Variants in MVB12B observed in about 807,000 individuals in gnomAD.
MVB12B encodes ESCRT-I complex subunit MVB12B.
Under a neutral mutation model 41.6 loss-of-function variants are expected in MVB12B, and 16 were observed. The observed-to-expected ratio is 0.38, with a 90% confidence interval of 0.26 to 0.58. The LOEUF is 0.58. Ranked by LOEUF, MVB12B falls within the 20% of genes least tolerant of loss-of-function variation. MVB12B has a pLI of 0.62. For missense variants in MVB12B, 274 were observed against 380.2 expected (o/e 0.72, Z 2.32); for synonymous variants, 133 against 139.7 (o/e 0.95, Z 0.34).
At chr9:126,496,297 A>C (rs879547979) in intron 9 of MVB12B, among the ~76,000 whole-genome samples, 12 of 123,014 alleles carry the variant, frequency 9.8e-5, no homozygotes, top group African/African-American at 1.6e-4. Context: ...ACCCATCCAT[A>C]CACCTACCCA....
chr9:126,336,517 A>G (rs1213840442), intron 1 of MVB12B, among the ~76,000 whole-genome samples: 12 of 152,176 alleles, frequency 7.9e-5, no homozygotes, highest in Non-Finnish European at 7.3e-5. Context: ...CGGGATGACA[A>G]CCTTGGCTAG....
intron 9 of MVB12B, among the ~76,000 whole-genome samples, chr9:126,490,807 T>A (rs745384826): frequency 1.4e-4 from 21 of 152,254 alleles, no homozygotes; most frequent in Admixed American, 3.9e-4. Context: ...TTTAATTTTA[T>A]ACCTAAATAT....
At chr9:126,387,559 C>T (rs919375488) in intron 4 of MVB12B, among the ~76,000 whole-genome samples, 7 of 152,164 alleles carry the variant, frequency 4.6e-5, no homozygotes, top group Admixed American at 3.3e-4. Context: ...TACGCAGATC[C>T]CCTGCTGTTA....
chr9:126,376,972 C>T lies in MVB12B; in HGVS notation c.205-4092C>T, dbSNP rs1282316218. Among the ~76,000 whole-genome samples, 1 of 151,216 alleles carries T rather than the reference C, an allele frequency of 6.6e-6. No individual in the cohort carries two copies. The highest frequency in any genetic ancestry group is 2.4e-5 in the African/African-American group (1 of 41,042). Reference sequence around the variant, plus strand: ...ATCCTGGGGCTCTGCTCAGTATCGGCTGCCACGGGCCCCTTAGGTCACAAC... The same window carrying T: ...ATCCTGGGGCTCTGCTCAGTATCGGTTGCCACGGGCCCCTTAGGTCACAAC... On this transcript the variant is annotated intron_variant, in intron 2 of 9. Coordinates refer to ENST00000361171, the MANE Select transcript of MVB12B (RefSeq NM_033446.3). This position sits in a 1 kb window ranked among gnomAD's most constrained non-coding sequence, Gnocchi z 4.1.
rs550246254 is a variant in MVB12B at position 126,460,052 on chromosome 9, G to T, written c.758-21317G>T. Among the ~76,000 whole-genome samples the T allele has an allele frequency of 2.0e-5, 3 of 152,324 alleles. No homozygotes were observed. In the South Asian group the frequency reaches 6.2e-4, roughly 32 times the overall value. ...CTATAACTCAGTCTTAGTGGCTCTA[G>T]AGGATGTCTGCCTATCTTCTTGAGG... On this transcript the variant is annotated intron_variant, in intron 7 of 9. Transcript: ENST00000361171.
intron 9 of MVB12B, 139 bp downstream of exon 9, chr9:126,484,171 T>C (rs570588390): frequency 2.2e-5 from 16 of 713,794 alleles, no homozygotes; most frequent in East Asian, 1.1e-4. Context: ...AAAAACACTT[T>C]CGTTGCACCC....
intron 2 of MVB12B, among the ~76,000 whole-genome samples, chr9:126,354,894 A>G (rs923116230): frequency 2.0e-5 from 3 of 152,198 alleles, no homozygotes; most frequent in Non-Finnish European, 4.4e-5. Context: ...GATAATAGAA[A>G]TATCATCGAT....
At chr9:126,417,280 G>A (rs1416954603) in intron 6 of MVB12B, among the ~76,000 whole-genome samples, 1 of 152,246 alleles carries the variant, frequency 6.6e-6, no homozygotes, top group Non-Finnish European at 1.5e-5. Flanking sequence ...CTACTGAGCA[G>A]TTATTCTGCA....
intron 2 of MVB12B, among the ~76,000 whole-genome samples, chr9:126,374,918 C>T (rs1031747031): frequency 6.6e-6 from 1 of 152,144 alleles, no homozygotes; most frequent in African/African-American, 2.4e-5. Context: ...GTGATGCCTG[C>T]GTGCACAGTT....
In MVB12B at chr9:126,468,735, G is replaced by A. The variant is rs1833252425; in HGVS notation, c.758-12634G>A. Among the ~76,000 whole-genome samples the A allele has an allele frequency of 6.6e-6, 1 of 152,202 alleles. No individual in the cohort carries two copies. ...TCCTCTCCATAGCCAGGGAGACGCT[G>A]TTAAAACCTAAATCTCCCCATCTCT... is the stretch of plus-strand genomic sequence containing the variant. On this transcript the variant is annotated intron_variant, in intron 7 of 9. Coordinates refer to ENST00000361171, the MANE Select transcript of MVB12B (RefSeq NM_033446.3). This position sits in a 1 kb window ranked among gnomAD's most constrained non-coding sequence, Gnocchi z 4.3.
chr9:126,463,177 T>C (rs979736379), intron 7 of MVB12B, among the ~76,000 whole-genome samples: 1 of 152,146 alleles, frequency 6.6e-6, no homozygotes, highest in African/African-American at 2.4e-5. Flanking sequence ...TTCTTGACAG[T>C]CCTGCTGGTT....
intron 7 of MVB12B, among the ~76,000 whole-genome samples, chr9:126,450,005 G>A (rs189785347): frequency 2.1e-4 from 32 of 152,306 alleles, no homozygotes; most frequent in Non-Finnish European, 4.3e-4. Flanking sequence ...TCCACTCTTA[G>A]TTTTAAGTTG....
In MVB12B at chr9:126,471,149, C is replaced by CTT. The variant is rs576757461; in HGVS notation, c.758-10218_758-10217dup. 5.9e-5 allele frequency among the ~76,000 whole-genome samples: 9 copies of CTT among 152,346 alleles called. No individual in the cohort carries two copies. In the East Asian group the frequency reaches 1.7e-3, roughly 29 times the overall value. ...AACTCATTTCCTGCAGAAACAGCTG[C>CTT]TTTCGACATAAAACCGCAGCCTTGC... is the stretch of plus-strand genomic sequence containing the variant. On this transcript the variant is annotated intron_variant, in intron 7 of 9. Coordinates refer to ENST00000361171, the MANE Select transcript of MVB12B (RefSeq NM_033446.3).
In MVB12B at chr9:126,395,734, G is replaced by T. The variant is rs1315989016; in HGVS notation, c.662+37G>T. On this transcript the variant is annotated intron_variant, in intron 6 of 9. Coordinates refer to ENST00000361171, the MANE Select transcript of MVB12B (RefSeq NM_033446.3). This position sits in a 1 kb window ranked among gnomAD's most constrained non-coding sequence, Gnocchi z 4.9. ...TCGGGGTGTCTTGCGTTGTCCTGTG[G>T]TCTTAGGTCCCTGCACAACATTTTA... 6.2e-7 allele frequency: 1 copy of T among 1,611,648 alleles called. No individual in the cohort carries two copies. The highest frequency in any genetic ancestry group is 8.5e-7 in the Non-Finnish European group (1 of 1,178,868).
intron 2 of MVB12B, among the ~76,000 whole-genome samples, chr9:126,349,911 A>C (rs1186188801): frequency 2.0e-5 from 3 of 152,230 alleles, no homozygotes; most frequent in Non-Finnish European, 2.9e-5. Context: ...TTGCATGTTT[A>C]GTTTTTAAAT....
intron 6 of MVB12B, among the ~76,000 whole-genome samples, chr9:126,402,226 T>C (rs985688035): frequency 2.0e-5 from 3 of 152,182 alleles, no homozygotes; most frequent in African/African-American, 7.2e-5. Flanking sequence ...AATGACTCTT[T>C]TTGTCCCCTA....
At chr9:126,420,029 A>G (rs1428075639) in intron 6 of MVB12B, among the ~76,000 whole-genome samples, 1 of 152,116 alleles carries the variant, frequency 6.6e-6, no homozygotes, top group Non-Finnish European at 1.5e-5. Context: ...CCCTAACCCT[A>G]TGGGGAAGTG....
rs548182624 is a variant in MVB12B at position 126,459,077 on chromosome 9, T to C, written c.758-22292T>C. On this transcript the variant is annotated intron_variant, in intron 7 of 9. Coordinates refer to ENST00000361171, the MANE Select transcript of MVB12B (RefSeq NM_033446.3). The surrounding 1 kb of genome is among the most constrained non-coding windows in gnomAD (Gnocchi z 4.3). ...CTGAGGGTTCCTTTCATCCTGCAAG[T>C]TTTAAGGGCTCAGATCACAGCAGGT... 3.3e-5 allele frequency among the ~76,000 whole-genome samples: 5 copies of C among 152,138 alleles called. No homozygotes were observed. The highest frequency in any genetic ancestry group is 7.4e-5 in the Non-Finnish European group (5 of 68,020).
At chr9:126,450,341 G>A (rs1832867030) in intron 7 of MVB12B, among the ~76,000 whole-genome samples, 1 of 152,214 alleles carries the variant, frequency 6.6e-6, no homozygotes, top group South Asian at 2.1e-4. Context: ...CTTACCGCCT[G>A]CTCCCAGAGC....
Sources: gnomAD v4.1 joint callset for allele counts (sites outside exome capture counted in the v4.1 genomes callset) on GRCh38, gnomAD v4.1.1 for gene constraint, Gnocchi (gnomAD v3.1) non-coding constraint, MANE v1.5 for transcripts, NCBI Gene and HGNC (gene_info 2026-07-23, HGNC 2026-07-21) for gene names.